Variants in MAP3K19 observed in about 807,000 individuals in gnomAD.
The protein encoded by MAP3K19 is mitogen-activated protein kinase kinase kinase 19, also known as SPS1/STE20-related protein kinase YSK4.
Under a neutral mutation model 114.4 loss-of-function variants are expected in MAP3K19, and 91 were observed. The observed-to-expected ratio is 0.80, with a 90% CI of 0.67 to 0.95. The LOEUF (loss-of-function observed/expected upper bound fraction) is 0.95. Ranked by LOEUF, MAP3K19 falls within the 40% of genes least tolerant of loss-of-function variation. The pLI, the probability that MAP3K19 is intolerant of heterozygous loss-of-function variation, is 0.00. For missense variants in MAP3K19, 1,471 were observed against 1,573.2 expected, an observed-to-expected ratio of 0.94 and a Z score of 1.10; for synonymous variants, 518 against 530.5, an observed-to-expected ratio of 0.98 and a Z score of 0.32.
Position 134,998,644 on chromosome 2 carries a change from T to C in MAP3K19, c.574+94A>G, listed in dbSNP as rs1686202433. 3 of 1,338,276 alleles carry C rather than the reference T, an allele frequency of 2.2e-6. No individual in the cohort carries two copies. The South Asian group carries it at 4.4e-5, about 20-fold the overall frequency. 82.9% of individuals were successfully genotyped at this position (1,338,276 alleles called of 1,614,324 possible). ...TGGGGTTATTTTCTGGTATGTTCAC[T>C]GCTTTATCTCTAGCATTTAGAACAG... On this transcript the variant is annotated intron_variant, in intron 8 of 12. Transcript: ENST00000392915.
At chr2:135,025,072 T>C (rs1224341323) in intron 3 of MAP3K19, among the ~76,000 whole-genome samples, 2 of 152,100 alleles carry the variant, frequency 1.3e-5, no homozygotes, top group Non-Finnish European at 2.9e-5. Flanking sequence ...TGTTGTTTTT[T>C]TTTATATTTT....
At chr2:135,031,866 C>T (rs537847358) in intron 2 of MAP3K19, among the ~76,000 whole-genome samples, 166 of 152,256 alleles carry the variant, frequency 1.1e-3, no homozygotes, top group Admixed American at 1.6e-3. Flanking sequence ...AAGATACTGT[C>T]TTCAGTGTAC....
intron 12 of MAP3K19, among the ~76,000 whole-genome samples, chr2:134,979,391 T>C (rs975388882): frequency 6.6e-6 from 1 of 151,978 alleles, no homozygotes; most frequent in African/African-American, 2.4e-5. Context: ...GAAGCAACGG[T>C]TCAAAAGGAG....
chr2:134,998,306 A>G (rs1028552908), intron 8 of MAP3K19, among the ~76,000 whole-genome samples: 1 of 152,208 alleles, frequency 6.6e-6, no homozygotes, highest in Non-Finnish European at 1.5e-5. Flanking sequence ...ATATGAGCTC[A>G]CAATGAAGAT....
chr2:135,001,525 C>T (rs6706490), intron 6 of MAP3K19, among the ~76,000 whole-genome samples: 21,754 of 152,156 alleles, frequency 0.14, 2,005 homozygotes, highest in South Asian at 0.32. Flanking sequence ...TGCTCAAGGT[C>T]GTTCTCCTAT....
intron 2 of MAP3K19, among the ~76,000 whole-genome samples, chr2:135,039,421 A>G (rs1033383111): frequency 1.3e-5 from 2 of 148,626 alleles, no homozygotes; most frequent in Admixed American, 6.7e-5. Flanking sequence ...CATGTCTCCA[A>G]AAAAAAAAAA....
chr2:135,033,311 G>A, intron 2 of MAP3K19, among the ~76,000 whole-genome samples: 1 of 123,884 alleles, frequency 8.1e-6, no homozygotes, highest in Non-Finnish European at 1.6e-5. Flanking sequence ...CTCCCAGTAG[G>A]AGCGGCTGGG....
intron 2 of MAP3K19, among the ~76,000 whole-genome samples, chr2:135,033,372 G>A (rs1302550649): frequency 1.8e-5 from 2 of 108,714 alleles, no homozygotes; most frequent in African/African-American, 5.0e-5. Context: ...GTGGGGGGCT[G>A]ACCCCCCCCA....
chr2:134,987,903 G>C lies in MAP3K19; in HGVS notation c.969C>G (p.His323Gln), dbSNP rs1425280477. The stretch of plus-strand genomic sequence containing the variant: ...ACACCAAAGACTGCCCTTTTTCAAA[G>C]TGAGTGATTTCAATTTTGTTACATT... ...IEECNKIEIT[H>Q]FEKGQSLVSF... Residue 323 changes from histidine (H) to glutamine (Q), a missense_variant, in exon 10 of 13, where the codon CAC becomes CAG. Coordinates refer to ENST00000392915, the MANE Select transcript of MAP3K19 (RefSeq NM_025052.5). The C allele has an allele frequency of 6.2e-7, 1 of 1,613,944 alleles. No homozygotes were observed. Among genetic ancestry groups the C allele is most frequent in the Non-Finnish European group, 8.5e-7 (1 of 1,180,024 alleles).
At chr2:135,017,558 C>T (rs1276686426) in intron 5 of MAP3K19, among the ~76,000 whole-genome samples, 2 of 152,152 alleles carry the variant, frequency 1.3e-5, no homozygotes, top group African/African-American at 2.4e-5. Flanking sequence ...GATGTAGTTA[C>T]ACAGAGTGGA....
At chr2:135,037,379 T>G (rs745668965) in intron 2 of MAP3K19, among the ~76,000 whole-genome samples, 11 of 152,364 alleles carry the variant, frequency 7.2e-5, no homozygotes, top group Middle Eastern at 3.4e-3. Flanking sequence ...AGGTGAGTAC[T>G]GTAGACTGGC....
chr2:134,999,633 G>A lies in MAP3K19; in HGVS notation c.314+304C>T, dbSNP rs1007248466. Among the ~76,000 whole-genome samples, 14 of 152,226 alleles carry A rather than the reference G, an allele frequency of 9.2e-5. No homozygotes were observed. Among genetic ancestry groups the A allele is most frequent in the East Asian group, 1.9e-4 (1 of 5,184 alleles). ...CAGTAGGGTCAGCAAACTACAGCCC[G>A]GGGACCAAATCCAGCCTTCAGCCTT... On this transcript the variant is annotated intron_variant, in intron 7 of 12. Coordinates refer to ENST00000392915, the MANE Select transcript of MAP3K19 (RefSeq NM_025052.5). This position sits in a 1 kb window ranked among gnomAD's most constrained non-coding sequence, Gnocchi z 4.1.
At chr2:134,995,539 C>G (rs929133484) in intron 8 of MAP3K19, among the ~76,000 whole-genome samples, 4 of 152,086 alleles carry the variant, frequency 2.6e-5, no homozygotes, top group Admixed American at 2.0e-4. Context: ...AACAGATTGC[C>G]TGATATCTAA....
At chr2:135,003,561 T>C (rs1191012246) in intron 6 of MAP3K19, among the ~76,000 whole-genome samples, 1 of 151,954 alleles carries the variant, frequency 6.6e-6, no homozygotes, top group Non-Finnish European at 1.5e-5. Flanking sequence ...TGTTTGTTTG[T>C]TTGTTTGTTT....
intron 5 of MAP3K19, among the ~76,000 whole-genome samples, chr2:135,016,856 T>G (rs1687614225): frequency 6.6e-6 from 1 of 152,236 alleles, no homozygotes; most frequent in Non-Finnish European, 1.5e-5. Context: ...TCTTGTAGCA[T>G]CAGTGCTTTA....
At chr2:134,972,077 A>ATCCT (rs780320996) in intron 12 of MAP3K19, among the ~76,000 whole-genome samples, 6 of 152,190 alleles carry the variant, frequency 3.9e-5, no homozygotes, top group Non-Finnish European at 8.8e-5. Context: ...TCAAGCATTT[A>ATCCT]TCCTTTGTGT....
In MAP3K19 at chr2:134,981,530, T is replaced by C; in HGVS notation, c.3223-12A>G. On this transcript the variant is annotated splice_polypyrimidine_tract_variant and intron_variant, in intron 11 of 12. Coordinates refer to ENST00000392915, the MANE Select transcript of MAP3K19 (RefSeq NM_025052.5). Reference sequence around the variant, plus strand: ...AGACCACAGTATACCTAGAAGCAAATCAATAATACCTTGTTATTAAATTAA... The same window carrying C: ...AGACCACAGTATACCTAGAAGCAAACCAATAATACCTTGTTATTAAATTAA... 6.4e-7 allele frequency: 1 copy of C among 1,561,578 alleles called. No individual in the cohort carries two copies. Among genetic ancestry groups the C allele is most frequent in the Non-Finnish European group, 8.8e-7 (1 of 1,142,596 alleles).
chr2:135,038,025 T>C (rs10182750), intron 2 of MAP3K19, among the ~76,000 whole-genome samples: 40,281 of 151,942 alleles, frequency 0.27, 7,208 homozygotes, highest in African/African-American at 0.49. Flanking sequence ...TCATAGTTCT[T>C]GAGAGATGTC....
intron 2 of MAP3K19, among the ~76,000 whole-genome samples, chr2:135,037,511 G>A (rs1688559104): frequency 6.6e-6 from 1 of 152,178 alleles, no homozygotes; most frequent in African/African-American, 2.4e-5. Context: ...AGAGAGTGAT[G>A]AAATAATGAG....
Sources: allele counts gnomAD v4.1 joint callset (sites outside exome capture counted in the v4.1 genomes callset), GRCh38; gene constraint gnomAD v4.1.1; non-coding constraint Gnocchi (gnomAD v3.1); transcripts MANE v1.5; gene names NCBI Gene and HGNC (gene_info 2026-07-23, HGNC 2026-07-21).